The following MIR2052HG variants were observed in gnomAD, a reference collection of about 807,000 sequenced individuals.
MIR2052HG encodes the protein MIR2052 host gene.
chr8:74,617,218 A>T (rs1465981811), intron 2 of MIR2052HG, among the ~76,000 whole-genome samples: 1 of 152,180 alleles, frequency 6.6e-6, no homozygotes. Context: ...CCCAAGAGGT[A>T]ACTTTTTAAT....
intron 2 of MIR2052HG, among the ~76,000 whole-genome samples, chr8:74,616,452 T>C (rs1352874042): frequency 1.3e-5 from 2 of 150,592 alleles, no homozygotes; most frequent in East Asian, 3.9e-4. Flanking sequence ...ATTTTATATA[T>C]ATAATTATTT....
At chr8:74,737,978 C>CTATGTATGTATG (rs572233517) in intron 4 of MIR2052HG, among the ~76,000 whole-genome samples, 2 of 151,398 alleles carry the variant, frequency 1.3e-5, no homozygotes, top group East Asian at 1.9e-4. Flanking sequence ...TATCTATTAT[C>CTATGTATGTATG]TATGTATGTA....
intron 1 of MIR2052HG, among the ~76,000 whole-genome samples, chr8:74,603,039 CA>C (rs34579564): frequency 0.41 from 51,173 of 123,662 alleles, 9,554 homozygotes; most frequent in East Asian, 0.58. Context: ...AACAAAACAC[CA>C]AAAAAAAAAA....
chr8:74,648,120 C>T (rs1363512961), intron 2 of MIR2052HG, among the ~76,000 whole-genome samples: 5 of 152,148 alleles, frequency 3.3e-5, no homozygotes, highest in Non-Finnish European at 1.5e-5. Flanking sequence ...TATTTTTCTT[C>T]TCCCAGAAAG....
At chr8:74,629,539 A>G (rs1376294576) in intron 2 of MIR2052HG, among the ~76,000 whole-genome samples, 2 of 152,112 alleles carry the variant, frequency 1.3e-5, no homozygotes, top group African/African-American at 4.8e-5. Flanking sequence ...ATTCCAGTAT[A>G]GTGTTAGTCA....
At chr8:74,665,584 C>A (rs1808913983) in intron 2 of MIR2052HG, among the ~76,000 whole-genome samples, 1 of 152,208 alleles carries the variant, frequency 6.6e-6, no homozygotes, top group Admixed American at 6.5e-5. Context: ...TCATTAATCA[C>A]TCTCTCATCA....
At chr8:74,707,414 T>TA (rs1809422330) in intron 4 of MIR2052HG, among the ~76,000 whole-genome samples, 1 of 152,114 alleles carries the variant, frequency 6.6e-6, no homozygotes, top group South Asian at 2.1e-4. Context: ...ATCGATATGG[T>TA]AGAGTCTGAA....
At chr8:74,676,685 A>T (rs1017614668) in intron 2 of MIR2052HG, among the ~76,000 whole-genome samples, 1 of 152,006 alleles carries the variant, frequency 6.6e-6, no homozygotes, top group Non-Finnish European at 1.5e-5. Flanking sequence ...AATAAAAAAT[A>T]TGAGAATAAA....
intron 2 of MIR2052HG, among the ~76,000 whole-genome samples, chr8:74,676,932 C>G (rs1009136357): frequency 6.6e-6 from 1 of 151,944 alleles, no homozygotes; most frequent in Non-Finnish European, 1.5e-5. Flanking sequence ...TACATAATTT[C>G]TATGTACCAT....
intron 2 of MIR2052HG, among the ~76,000 whole-genome samples, chr8:74,701,156 G>C (rs1809353752): frequency 6.6e-6 from 1 of 152,068 alleles, no homozygotes; most frequent in Admixed American, 6.6e-5. Flanking sequence ...TGATGCTTTG[G>C]TGAATGAGAA....
chr8:74,643,760 C>A (rs1441929191), intron 2 of MIR2052HG, among the ~76,000 whole-genome samples: 3 of 152,044 alleles, frequency 2.0e-5, no homozygotes, highest in Non-Finnish European at 4.4e-5. Flanking sequence ...AAATTCCTAC[C>A]CTTCCCTAAT....
chr8:74,677,619 A>G, intron 2 of MIR2052HG, among the ~76,000 whole-genome samples: 1 of 152,118 alleles, frequency 6.6e-6, no homozygotes, highest in Non-Finnish European at 1.5e-5. Flanking sequence ...AGTAATAAAT[A>G]TAAGGTACTA....
chr8:74,603,283 T>C (rs1808052033), intron 1 of MIR2052HG: 8 of 1,551,520 alleles, frequency 5.2e-6, no homozygotes, highest in Non-Finnish European at 7.1e-6. Context: ...TAAATCTGCA[T>C]TGTTCTAGCT....
At chr8:74,680,612 G>T (rs1439421250) in intron 2 of MIR2052HG, among the ~76,000 whole-genome samples, 2 of 152,160 alleles carry the variant, frequency 1.3e-5, no homozygotes, top group Non-Finnish European at 1.5e-5. Flanking sequence ...TACACTGTTG[G>T]TGGGACTGTA....
chr8:74,603,465 G>T (rs775773205), intron 1 of MIR2052HG: 121 of 1,603,360 alleles, frequency 7.5e-5, no homozygotes, highest in Admixed American at 1.3e-4. Context: ...TTATTTTGGC[G>T]CCTTGACGCC....
In MIR2052HG at chr8:74,706,065, T is replaced by C. The variant is rs544519144; in HGVS notation, n.371+2383T>C. On this transcript the variant is annotated intron_variant and non_coding_transcript_variant, in intron 4 of 6. Coordinates refer to ENST00000523442, the Ensembl canonical transcript of MIR2052HG. ...GAATCACTCCATCACATGTGTTAAC[T>C]GTTCAGCAAAGCAGTTCTGCTCTGC... Among the ~76,000 whole-genome samples, 5 of 152,218 alleles carry C rather than the reference T, an allele frequency of 3.3e-5. No individual in the cohort carries two copies. In the East Asian group the frequency reaches 9.7e-4, roughly 29 times the overall value.
chr8:74,694,861 G>A (rs138628225), intron 2 of MIR2052HG, among the ~76,000 whole-genome samples: 137 of 152,234 alleles, frequency 9.0e-4, no homozygotes, highest in African/African-American at 3.2e-3. Context: ...AGAATGATTG[G>A]TGTTCCTGAG....
At chr8:74,741,555 C>A (rs1432395801) in intron 4 of MIR2052HG, among the ~76,000 whole-genome samples, 1 of 152,130 alleles carries the variant, frequency 6.6e-6, no homozygotes, top group Non-Finnish European at 1.5e-5. Flanking sequence ...TGATTTTATA[C>A]CTTTATAAGT....
intron 1 of MIR2052HG, among the ~76,000 whole-genome samples, chr8:74,604,725 C>A (rs1808086804): frequency 6.6e-6 from 1 of 150,580 alleles, no homozygotes; most frequent in South Asian, 2.1e-4. Flanking sequence ...TCCCTAGTAG[C>A]TGGGATTACA....
Sources: gnomAD v4.1 joint callset for allele counts (sites outside exome capture counted in the v4.1 genomes callset) on GRCh38, gnomAD v4.1.1 for gene constraint, MANE v1.5 for transcripts, NCBI Gene and HGNC (gene_info 2026-07-23, HGNC 2026-07-21) for gene names.